Variants in TMEM131 observed in about 807,000 individuals in gnomAD.
TMEM131 encodes 2610524E03Rik.
TMEM131 carries 66 observed loss-of-function variants against 211.6 expected under a neutral mutation model. The ratio of observed to expected loss-of-function variants is 0.31; its 90% CI spans 0.26 to 0.38. TMEM131 has a LOEUF of 0.38. Among genes scored for constraint, TMEM131 ranks in the 10% least tolerant of loss-of-function variants. TMEM131 has a pLI of 1.00. For missense variants in TMEM131, 2,036 were observed against 2,299.3 expected (o/e 0.89, Z 2.34); for synonymous variants, 844 against 841.3 (o/e 1.00, Z -0.06).
At chr2:97,989,747 T>C (rs1680182164) in intron 1 of TMEM131, among the ~76,000 whole-genome samples, 1 of 152,174 alleles carries the variant, frequency 6.6e-6, no homozygotes, top group African/African-American at 2.4e-5. Context: ...CAGAGTTGTA[T>C]GCAACAAAAT....
chr2:97,995,867 T>C lies in TMEM131; in HGVS notation c.-205A>G. On this transcript the variant is annotated 5_prime_UTR_variant, in exon 1 of 41. It removes an upstream start codon present in the reference 5' UTR. Transcript: ENST00000186436. ...GTCAGTCACGGTCTTTGCCTGGGCA[T>C]CGCCTACAAGCAGTCGGAGCGGAGA... The C allele has an allele frequency of 3.8e-6, 1 of 263,596 alleles. No individual in the cohort carries two copies. The highest frequency in any genetic ancestry group is 6.8e-6 in the Non-Finnish European group (1 of 146,424). The allele number at this position is 263,596 out of a possible 1,614,324, so 16.3% of individuals were successfully genotyped here. A position where few individuals can be genotyped will look rare whatever the true frequency, so the allele number is the denominator to read the frequency against.
intron 4 of TMEM131, among the ~76,000 whole-genome samples, chr2:97,859,924 G>A (rs1488129125): frequency 2.0e-5 from 3 of 152,082 alleles, no homozygotes; most frequent in African/African-American, 7.2e-5. Context: ...CTTGTCAAAG[G>A]CACACTTGGA....
chr2:97,976,463 T>C (rs10210299), intron 1 of TMEM131, among the ~76,000 whole-genome samples: 56,919 of 151,988 alleles, frequency 0.37, 11,766 homozygotes, highest in African/African-American at 0.52. Flanking sequence ...GAGATAAATA[T>C]GACAAAAGAT....
chr2:97,862,969 G>A (rs567559780), intron 4 of TMEM131, among the ~76,000 whole-genome samples: 4 of 152,170 alleles, frequency 2.6e-5, no homozygotes, highest in East Asian at 1.9e-4. Context: ...GATAAAGAAA[G>A]GATCCTAAAA....
At chr2:97,885,977 G>A (rs1209177550) in intron 4 of TMEM131, among the ~76,000 whole-genome samples, 1 of 149,536 alleles carries the variant, frequency 6.7e-6, no homozygotes, top group Non-Finnish European at 1.5e-5. Context: ...TTCTTTTTTT[G>A]TCTGCCTGTG....
intron 2 of TMEM131, among the ~76,000 whole-genome samples, chr2:97,914,537 C>T (rs999338858): frequency 6.6e-6 from 1 of 152,220 alleles, no homozygotes; most frequent in Non-Finnish European, 1.5e-5. Flanking sequence ...CATCTTCCTC[C>T]TGCCCTTCCC....
At chr2:97,905,236 G>T (rs962277332) in intron 3 of TMEM131, among the ~76,000 whole-genome samples, 12 of 152,060 alleles carry the variant, frequency 7.9e-5, no homozygotes, top group Non-Finnish European at 1.6e-4. Flanking sequence ...TTTTAGATTA[G>T]CGATTTTTTC....
Position 97,988,264 on chromosome 2 carries a change from G to T in TMEM131, c.187+7212C>A, listed in dbSNP as rs550772975. 4.6e-5 allele frequency among the ~76,000 whole-genome samples: 7 copies of T among 152,254 alleles called. No individual in the cohort carries two copies. The South Asian group carries it at 1.5e-3, about 32-fold the overall frequency. On this transcript the variant is annotated intron_variant, in intron 1 of 40. Coordinates refer to ENST00000186436, the MANE Select transcript of TMEM131 (RefSeq NM_015348.2). ...AGAAACTGGATATCCACATGCAAAA[G>T]AATAGAGTTATACCCTTTATCTTAC...
At chr2:97,859,738 A>C (rs1673989712) in intron 4 of TMEM131, among the ~76,000 whole-genome samples, 1 of 152,112 alleles carries the variant, frequency 6.6e-6, no homozygotes, top group South Asian at 2.1e-4. Context: ...TTCTTTCTGT[A>C]CCACCACCCG....
chr2:97,911,960 G>T (rs1676309355), intron 2 of TMEM131, among the ~76,000 whole-genome samples: 1 of 152,102 alleles, frequency 6.6e-6, no homozygotes, highest in East Asian at 1.9e-4. Flanking sequence ...TGCATAAAAA[G>T]CAGATGGAAA....
chr2:97,818,468 G>GC (rs1681943792), intron 12 of TMEM131, 145 bp downstream of exon 12: 5 of 260,648 alleles, frequency 1.9e-5, no homozygotes, highest in Admixed American at 5.4e-5. Flanking sequence ...TACAGCGGGG[G>GC]GGGGCGGGGG....
rs775931868 is a variant in TMEM131 at position 97,811,117 on chromosome 2, A to G, written c.1968+11T>C. 8 of 1,592,270 alleles carry G rather than the reference A, an allele frequency of 5.0e-6. No individual in the cohort carries two copies. Among genetic ancestry groups the G allele is most frequent in the South Asian group, 4.4e-5 (4 of 90,580 alleles). ...AAACCCCACTGCCATGAATCCCCAT[A>G]AAGTCCTTACCTCATAGTCTGTTGT... On this transcript the variant is annotated intron_variant, in intron 18 of 40. Coordinates refer to ENST00000186436, the MANE Select transcript of TMEM131 (RefSeq NM_015348.2).
intron 1 of TMEM131, among the ~76,000 whole-genome samples, chr2:97,943,493 A>T (rs1677896510): frequency 6.6e-6 from 1 of 152,248 alleles, no homozygotes; most frequent in Non-Finnish European, 1.5e-5. Context: ...ACTGTGAACT[A>T]CAAAGCATCA....
intron 1 of TMEM131, among the ~76,000 whole-genome samples, chr2:97,953,176 A>C (rs1678403170): frequency 6.6e-6 from 1 of 152,202 alleles, no homozygotes; most frequent in East Asian, 1.9e-4. Flanking sequence ...GGTTAAAACA[A>C]ACTTAACATC....
chr2:97,855,050 C>T (rs1300936884), intron 5 of TMEM131, among the ~76,000 whole-genome samples: 1 of 152,160 alleles, frequency 6.6e-6, no homozygotes. Context: ...ACCCAAACTC[C>T]CCAGAGTATG....
rs1199158605 is a variant in TMEM131, at chr2:97,811,176, T to C, written c.1920A>G (p.Lys640=). The change falls in exon 18 of 41, where the codon AAA becomes AAG. Residue 640 remains lysine (K), a synonymous_variant. Transcript: ENST00000186436. ...AVFRVKLTAK[K]LEGIHDGAIQ... ...TGGCTCCATCATGAATCCCCTCTAA[T>C]TTTTTTGCAGTAAGTTTGACTCTGA... 6.2e-7 allele frequency: 1 copy of C among 1,612,314 alleles called. No individual in the cohort carries two copies. The highest frequency in any genetic ancestry group is 2.2e-5 in the East Asian group (1 of 44,800).
Position 97,766,111 on chromosome 2 carries a change from T to TA in TMEM131, c.4723+2dup. 1 of 1,613,956 alleles carries TA rather than the reference T, an allele frequency of 6.2e-7. No homozygotes were observed. Among genetic ancestry groups the TA allele is most frequent in the Non-Finnish European group, 8.5e-7 (1 of 1,179,848 alleles). On this transcript the variant is annotated splice_region_variant and intron_variant, in intron 35 of 40. Coordinates refer to ENST00000186436, the MANE Select transcript of TMEM131 (RefSeq NM_015348.2). ...CCTGTGGTTTCTAAACTACTATACT[T>TA]ACAGCTGCCAGGTTTGTGAACTGGA...
intron 1 of TMEM131, among the ~76,000 whole-genome samples, chr2:97,966,900 C>A (rs1335747893): frequency 6.6e-6 from 1 of 152,098 alleles, no homozygotes; most frequent in East Asian, 1.9e-4. Flanking sequence ...GAAAGGTAGC[C>A]AGGCAGGTCC....
In TMEM131 at chr2:97,801,909, C is replaced by G. The variant is rs745328591; in HGVS notation, c.2704G>C (p.Val902Leu). The change falls in exon 25 of 41, where the codon GTC becomes CTC. Residue 902 changes from valine (V) to leucine (L), a missense_variant. Transcript: ENST00000186436. Reference protein sequence around the residue: ...KIDLRTLEFQVFRNSAHPLQS... With the variant: ...KIDLRTLEFQLFRNSAHPLQS... ...TGAATACTTACACTGTTTCTGAAGACTTGAAATTCTAGTGTTCTCAAATCT... is the reference window on the plus strand; with the variant it reads ...TGAATACTTACACTGTTTCTGAAGAGTTGAAATTCTAGTGTTCTCAAATCT... 1.9e-6 allele frequency: 3 copies of G among 1,607,220 alleles called. No homozygotes were observed. The highest frequency in any genetic ancestry group is 2.2e-5 in the South Asian group (2 of 89,788).
Sources: allele counts gnomAD v4.1 joint callset (sites outside exome capture counted in the v4.1 genomes callset), GRCh38; gene constraint gnomAD v4.1.1; transcripts MANE v1.5; gene names NCBI Gene and HGNC (gene_info 2026-07-23, HGNC 2026-07-21).